Variants in LRPPRC observed in about 807,000 individuals in gnomAD.
LRPPRC encodes the protein leucine-rich PPR motif-containing protein, mitochondrial.
In LRPPRC, 120 loss-of-function variants were observed where a neutral mutation model predicts 180.3. That is an observed-to-expected ratio of 0.67 (90% confidence interval 0.57 to 0.77). The LOEUF is 0.77. Among genes scored for constraint, LRPPRC ranks in the 30% least tolerant of loss-of-function variants. LRPPRC has a pLI of 0.00. For synonymous variants in LRPPRC, 723 were observed against 600.0 expected (o/e 1.21, Z -3.00); for missense variants, 2,012 against 1,657.2 (o/e 1.21, Z -3.72).
chr2:43,953,107 C>A (rs1354932662), intron 14 of LRPPRC, among the ~76,000 whole-genome samples: 1 of 152,220 alleles, frequency 6.6e-6, no homozygotes, highest in African/African-American at 2.4e-5. Flanking sequence ...AAACCCTTCC[C>A]TTCCCCTCTA....
chr2:43,964,705 A>G (rs1194965519), intron 11 of LRPPRC, among the ~76,000 whole-genome samples: 1 of 152,182 alleles, frequency 6.6e-6, no homozygotes, highest in African/African-American at 2.4e-5. Context: ...GTAAAAAAAA[A>G]ACTATAATTT....
At chr2:43,934,937 G>A (rs1237869091) in intron 23 of LRPPRC, 59 bp from the exon 24 acceptor site, 6 of 1,419,674 alleles carry the variant, frequency 4.2e-6, no homozygotes, top group African/African-American at 4.2e-5. Context: ...TAGTCTCTTA[G>A]TAATACTTTA....
At chr2:43,905,516 T>C (rs1671039540) in intron 31 of LRPPRC, among the ~76,000 whole-genome samples, 176 bp downstream of exon 31, 1 of 152,242 alleles carries the variant, frequency 6.6e-6, no homozygotes, top group Non-Finnish European at 1.5e-5. Context: ...TACATTCATA[T>C]TCAAGCTGTA....
intron 12 of LRPPRC, 144 bp downstream of exon 12, chr2:43,963,444 C>CA (rs1305144767): frequency 1.8e-5 from 12 of 683,864 alleles, no homozygotes; most frequent in Admixed American, 4.5e-5. Context: ...AACTCCATCT[C>CA]AAAAAAAAGA....
In LRPPRC at chr2:43,975,122, G is replaced by A. The variant is rs1373412812; in HGVS notation, c.833C>T (p.Ala278Val). 6.2e-7 allele frequency: 1 copy of A among 1,613,108 alleles called. No individual in the cohort carries two copies. The highest frequency in any genetic ancestry group is 8.5e-7 in the Non-Finnish European group (1 of 1,179,634). ...AACATGGTCAATGTCGCCCTTCTCA[G>A]CATATGCATTCAATAATGCGAGGTA... ...DTYLALLNAY[A>V]EKGDIDHVKQ... The change falls in exon 7 of 38, where the codon GCT becomes GTT. Residue 278 changes from alanine to valine, a missense_variant. Physicochemically the swap from Ala to Val is moderately conservative, Grantham distance 64. Coordinates refer to ENST00000260665, the MANE Select transcript of LRPPRC (RefSeq NM_133259.4).
At chr2:43,911,149 GATAT>G (rs34332260) in intron 30 of LRPPRC, among the ~76,000 whole-genome samples, 86 of 146,186 alleles carry the variant, frequency 5.9e-4, no homozygotes, top group African/African-American at 1.7e-3. Flanking sequence ...GAGTGTTCTA[GATAT>G]ATATATATAT....
At chr2:43,888,772 G>A in intron 37 of LRPPRC, 116 bp from the exon 38 acceptor site, 2 of 685,472 alleles carry the variant, frequency 2.9e-6, no homozygotes, top group Non-Finnish European at 5.4e-6. Flanking sequence ...GCCCATGGAA[G>A]ATGCTGCCCC....
chr2:43,911,523 CT>C lies in LRPPRC; in HGVS notation c.3275+908del, dbSNP rs531172761. Among the ~76,000 whole-genome samples the C allele has an allele frequency of 6.4e-3, 591 of 92,342 alleles. 1 individual carries two copies. Among genetic ancestry groups the C allele is most frequent in the Middle Eastern group, 0.013 (2 of 158 alleles). The allele number at this position is 92,342 out of a possible 152,430, so 60.6% of individuals were successfully genotyped here. A position where few individuals can be genotyped will look rare whatever the true frequency, so the allele number is the denominator to read the frequency against. On this transcript the variant is annotated intron_variant, in intron 30 of 37. Transcript: ENST00000260665. Reference sequence around the variant, plus strand: ...CTTTTCTTTTCTTCTTCTTCTTCTTCTTTTTTTTTTTTTTTTTTTTTGAGAC... The same window carrying C: ...CTTTTCTTTTCTTCTTCTTCTTCTTCTTTTTTTTTTTTTTTTTTTTGAGAC...
rs1411272506 is a variant in LRPPRC, at chr2:43,899,296, T to G, written c.3748A>C (p.Ile1250Leu). The change falls in exon 34 of 38, where the codon ATT becomes CTT. Residue 1250 changes from isoleucine to leucine, a missense_variant. Transcript: ENST00000260665. ...MAERLANQFA[I>L]YKPVTDFFLQ... ...AAAAAATCAGTGACAGGTTTATAAA[T>G]TGCAAACTGATTGGCCAATCTCTCC... The G allele has an allele frequency of 6.2e-7, 1 of 1,614,108 alleles. No homozygotes were observed. The highest frequency in any genetic ancestry group is 8.5e-7 in the Non-Finnish European group (1 of 1,179,992).
chr2:43,903,689 A>G (rs1670966879), intron 31 of LRPPRC: 1 of 152,004 alleles, frequency 6.6e-6, no homozygotes, highest in Non-Finnish European at 1.5e-5. Flanking sequence ...AAATTATACC[A>G]TGTCCTTTCC....
At chr2:43,907,880 T>C (rs1018017044) in intron 30 of LRPPRC, among the ~76,000 whole-genome samples, 12 of 152,190 alleles carry the variant, frequency 7.9e-5, no homozygotes, top group Admixed American at 3.9e-4. Flanking sequence ...AGGAGAAGTT[T>C]TGTTGCCTTA....
chr2:43,907,882 G>A (rs1481314779), intron 30 of LRPPRC, among the ~76,000 whole-genome samples: 3 of 152,112 alleles, frequency 2.0e-5, no homozygotes, highest in African/African-American at 7.2e-5. Context: ...GAGAAGTTTT[G>A]TTGCCTTATG....
intron 24 of LRPPRC, 38 bp downstream of exon 24, chr2:43,934,716 A>G (rs542228967): frequency 3.4e-5 from 52 of 1,515,934 alleles, no homozygotes; most frequent in South Asian, 1.9e-4. Flanking sequence ...GCAAGAAGGG[A>G]AAAAAAAACT....
At chr2:43,912,640 C>T (rs993902258) in intron 29 of LRPPRC, 82 bp from the exon 30 acceptor site, 2 of 1,203,266 alleles carry the variant, frequency 1.7e-6, no homozygotes, top group African/African-American at 1.5e-5. Flanking sequence ...GAAACAAAGA[C>T]CTAAACCCAA....
At chr2:43,939,741 A>G (rs1393928381) in intron 23 of LRPPRC, among the ~76,000 whole-genome samples, 2 of 152,182 alleles carry the variant, frequency 1.3e-5, no homozygotes, top group African/African-American at 4.8e-5. Flanking sequence ...CAAAAAATTA[A>G]CTGTGTTGAA....
At chr2:43,920,079 TAAAAAAA>T (rs1023425078) in intron 27 of LRPPRC, among the ~76,000 whole-genome samples, 6 of 79,462 alleles carry the variant, frequency 7.6e-5, no homozygotes, top group Admixed American at 3.1e-4. Context: ...ATCAGCAATT[TAAAAAAA>T]AAAAAAAAAA....
intron 11 of LRPPRC, among the ~76,000 whole-genome samples, chr2:43,966,494 T>C (rs1428229220): frequency 2.6e-5 from 4 of 151,560 alleles, no homozygotes. Context: ...CACAGCAACC[T>C]CCACCTCCTG....
intron 11 of LRPPRC, among the ~76,000 whole-genome samples, chr2:43,969,202 G>A (rs895055479): frequency 1.3e-5 from 2 of 152,142 alleles, no homozygotes; most frequent in Admixed American, 1.3e-4. Context: ...CACAAGGTCA[G>A]GAGATCGAGA....
At chr2:43,992,179 C>T (rs749164717) in intron 1 of LRPPRC, among the ~76,000 whole-genome samples, 2 of 152,090 alleles carry the variant, frequency 1.3e-5, no homozygotes, top group Non-Finnish European at 2.9e-5. Flanking sequence ...AGTTAAGGTT[C>T]AACAGAGATG....
Sources: gnomAD v4.1 joint callset for allele counts (sites outside exome capture counted in the v4.1 genomes callset) on GRCh38, gnomAD v4.1.1 for gene constraint, MANE v1.5 for transcripts, NCBI Gene and HGNC (gene_info 2026-07-23, HGNC 2026-07-21) for gene names.